The following HS6ST1 variants were observed in gnomAD, a reference collection of about 807,000 sequenced individuals.
HS6ST1 encodes heparan sulfate 6-O-sulfotransferase 1.
Under a neutral mutation model 25.2 loss-of-function variants are expected in HS6ST1, and 3 were observed. The ratio of observed to expected loss-of-function variants is 0.12; its 90% CI spans 0.05 to 0.31. HS6ST1 has a LOEUF of 0.31. Among genes scored for constraint, HS6ST1 ranks in the 10% least tolerant of loss-of-function variants. HS6ST1 has a pLI of 1.00. For missense variants in HS6ST1, 310 were observed against 609.6 expected (o/e 0.51, Z 5.18); for synonymous variants, 204 against 275.1 (o/e 0.74, Z 2.56).
intron 1 of HS6ST1, among the ~76,000 whole-genome samples, chr2:128,310,785 G>T (rs1694278742): frequency 6.6e-6 from 1 of 152,140 alleles, no homozygotes; most frequent in African/African-American, 2.4e-5. Context: ...GCAAGCTGGG[G>T]ACTTGGGACA....
intron 1 of HS6ST1, among the ~76,000 whole-genome samples, chr2:128,307,445 C>A (rs572587347): frequency 6.6e-6 from 1 of 152,366 alleles, no homozygotes; most frequent in East Asian, 1.9e-4. Flanking sequence ...CTGGCCCTAC[C>A]TGGTGCAGGC....
intron 1 of HS6ST1, among the ~76,000 whole-genome samples, chr2:128,292,908 C>T (rs560842549): frequency 8.5e-4 from 129 of 152,140 alleles, no homozygotes; most frequent in African/African-American, 1.5e-3. Flanking sequence ...AGGCAGCGGT[C>T]GGGGAGAGCC....
At chr2:128,273,873 A>C (rs560171039) in intron 1 of HS6ST1, among the ~76,000 whole-genome samples, 54 of 152,290 alleles carry the variant, frequency 3.5e-4, no homozygotes, top group Admixed American at 5.9e-4. Flanking sequence ...CCCCAGATCT[A>C]GGCAGCTCTC....
At chr2:128,278,883 G>A (rs1477675832) in intron 1 of HS6ST1, among the ~76,000 whole-genome samples, 1 of 152,104 alleles carries the variant, frequency 6.6e-6, no homozygotes, top group Non-Finnish European at 1.5e-5. Flanking sequence ...TTGAGAGTTC[G>A]GTGAAAACCC....
intron 1 of HS6ST1, among the ~76,000 whole-genome samples, chr2:128,303,380 C>T (rs1694161489): frequency 6.6e-6 from 1 of 152,254 alleles, no homozygotes; most frequent in Non-Finnish European, 1.5e-5. Context: ...GGGCTGAGGA[C>T]AGCTCTATGT....
chr2:128,293,698 C>T (rs1391481915), intron 1 of HS6ST1, among the ~76,000 whole-genome samples: 1 of 152,198 alleles, frequency 6.6e-6, no homozygotes, highest in Admixed American at 6.5e-5. Flanking sequence ...CAAAGAGAGA[C>T]CATCAGGTGG....
At chr2:128,299,733 G>A (rs2104929749) in intron 1 of HS6ST1, among the ~76,000 whole-genome samples, 1 of 152,308 alleles carries the variant, frequency 6.6e-6, no homozygotes, top group African/African-American at 2.4e-5. Context: ...CCAGCTGGCG[G>A]AGAGACAGAG....
chr2:128,304,130 C>T (rs1694173276), intron 1 of HS6ST1, among the ~76,000 whole-genome samples: 2 of 152,256 alleles, frequency 1.3e-5, no homozygotes, highest in South Asian at 2.1e-4. Context: ...CCTGGTTCTC[C>T]AGCTTGCAGA....
At chr2:128,305,719 T>A (rs1244948289) in intron 1 of HS6ST1, among the ~76,000 whole-genome samples, 1 of 152,236 alleles carries the variant, frequency 6.6e-6, no homozygotes, top group African/African-American at 2.4e-5. Flanking sequence ...CTGCTCTGCC[T>A]GCCCTTGATC....
intron 1 of HS6ST1, among the ~76,000 whole-genome samples, chr2:128,302,187 G>C (rs1694141117): frequency 6.6e-6 from 1 of 152,174 alleles, no homozygotes; most frequent in African/African-American, 2.4e-5. Flanking sequence ...CAGGGAGTCT[G>C]AGAGGTGTAA....
At chr2:128,298,637 C>T (rs955467080) in intron 1 of HS6ST1, among the ~76,000 whole-genome samples, 10 of 152,148 alleles carry the variant, frequency 6.6e-5, no homozygotes, top group East Asian at 3.9e-4. Flanking sequence ...GTAGGATGGA[C>T]GGCGTGAGAG....
At chr2:128,312,643 A>G (rs2104937953) in intron 1 of HS6ST1, among the ~76,000 whole-genome samples, 2 of 152,286 alleles carry the variant, frequency 1.3e-5, no homozygotes, top group South Asian at 4.1e-4. Context: ...GTGACTGGGC[A>G]TGGCTGCTCC....
In HS6ST1 at chr2:128,280,364, GA is replaced by G. The variant is rs1221576441; in HGVS notation, c.528-11495del. On this transcript the variant is annotated intron_variant, in intron 1 of 1. Coordinates refer to ENST00000259241, the MANE Select transcript of HS6ST1 (RefSeq NM_004807.3). The stretch of plus-strand genomic sequence containing the variant: ...CTGTCCATGGTGTCATTCCTTCTGA[GA>G]GGGGGCACCTGCAGGTCCAGGAGGG... Among the ~76,000 whole-genome samples, 7 of 152,222 alleles carry G rather than the reference GA, an allele frequency of 4.6e-5. No individual in the cohort carries two copies. In the South Asian group the frequency reaches 1.4e-3, roughly 32 times the overall value.
intron 1 of HS6ST1, among the ~76,000 whole-genome samples, chr2:128,312,821 A>C (rs1694311355): frequency 6.6e-6 from 1 of 152,198 alleles, no homozygotes; most frequent in African/African-American, 2.4e-5. Flanking sequence ...GCACTTTGGC[A>C]GGCGAAGTCG....
At chr2:128,274,917 G>T (rs1422611985) in intron 1 of HS6ST1, among the ~76,000 whole-genome samples, 1 of 142,094 alleles carries the variant, frequency 7.0e-6, no homozygotes, top group Non-Finnish European at 1.5e-5. Context: ...GATAGAGGCT[G>T]CAGTGAGCTG....
intron 1 of HS6ST1, among the ~76,000 whole-genome samples, chr2:128,294,990 C>T (rs189500867): frequency 1.2e-3 from 189 of 152,284 alleles, no homozygotes; most frequent in African/African-American, 4.4e-3. Context: ...TCCAAACCAC[C>T]TCCCCCTCTT....
chr2:128,313,941 A>T (rs374978721), intron 1 of HS6ST1, among the ~76,000 whole-genome samples: 1 of 105,604 alleles, frequency 9.5e-6, no homozygotes, highest in East Asian at 2.1e-4. Context: ...GTGTTTGCTT[A>T]AAAAAAAAAA....
intron 1 of HS6ST1, chr2:128,289,546 G>A (rs1258795054): frequency 2.0e-5 from 3 of 152,214 alleles, no homozygotes; most frequent in African/African-American, 4.8e-5. Context: ...TGAGCAGCAC[G>A]AAGCTCCCAG....
At chr2:128,315,136 G>A (rs984154856) in intron 1 of HS6ST1, among the ~76,000 whole-genome samples, 1 of 152,172 alleles carries the variant, frequency 6.6e-6, no homozygotes, top group African/African-American at 2.4e-5. Context: ...GGCTGATGTC[G>A]GCAGATGAGG....
Sources: allele counts gnomAD v4.1 joint callset (sites outside exome capture counted in the v4.1 genomes callset), GRCh38; gene constraint gnomAD v4.1.1; transcripts MANE v1.5; gene names NCBI Gene and HGNC (gene_info 2026-07-23, HGNC 2026-07-21).